The following HCN1 variants were observed in gnomAD, a reference collection of about 807,000 sequenced individuals.
HCN1 encodes hyperpolarization activated cyclic nucleotide gated potassium channel 1.
HCN1 carries 13 observed loss-of-function variants against 78.9 expected under a neutral mutation model. The observed-to-expected ratio is 0.16, with a 90% confidence interval of 0.11 to 0.26. The LOEUF (loss-of-function observed/expected upper bound fraction) is 0.26, where lower values mean the gene tolerates loss of function less well. Among genes scored for constraint, HCN1 ranks in the 10% least tolerant of loss-of-function variants. The probability of loss-of-function intolerance (pLI) is 1.00; values close to 1 mark genes in which losing one functional copy is unlikely to be tolerated. For synonymous variants in HCN1, 552 were observed against 455.5 expected (o/e 1.21, Z -2.70); for missense variants, 810 against 1,154.3 (o/e 0.70, Z 4.32).
chr5:45,437,538 T>G lies in HCN1; in HGVS notation c.1011+24308A>C, dbSNP rs576013570. Among the ~76,000 whole-genome samples the G allele has an allele frequency of 2.0e-5, 3 of 152,326 alleles. 1 individual carries two copies. The highest frequency in any genetic ancestry group is 6.8e-3 in the Middle Eastern group (2 of 292). ...GTCTCATCCATTCACATTCATGGTA[T>G]GCACACAACAAATTTGTCACATTAT... On this transcript the variant is annotated intron_variant, in intron 3 of 7. Transcript: ENST00000303230.
chr5:45,503,408 C>G (rs1303902383), intron 2 of HCN1, among the ~76,000 whole-genome samples: 3 of 152,000 alleles, frequency 2.0e-5, no homozygotes, highest in African/African-American at 4.8e-5. Context: ...AAGAAAGAAA[C>G]AGAGACACAG....
intron 3 of HCN1, among the ~76,000 whole-genome samples, chr5:45,414,842 G>A (rs986736311): frequency 6.6e-6 from 1 of 151,942 alleles, no homozygotes; most frequent in Admixed American, 6.6e-5. Context: ...TTAGGCCCTA[G>A]GTTACTTCTA....
At chr5:45,464,373 T>C (rs1741226163) in intron 2 of HCN1, among the ~76,000 whole-genome samples, 1 of 152,126 alleles carries the variant, frequency 6.6e-6, no homozygotes, top group Non-Finnish European at 1.5e-5. Context: ...TCATTCCCAA[T>C]TCCATAATGT....
At chr5:45,632,269 T>C (rs1159687432) in intron 2 of HCN1, among the ~76,000 whole-genome samples, 1 of 151,354 alleles carries the variant, frequency 6.6e-6, no homozygotes, top group Non-Finnish European at 1.5e-5. Context: ...GATCCAATGC[T>C]AATGTTCCAT....
intron 4 of HCN1, among the ~76,000 whole-genome samples, chr5:45,359,094 T>G (rs1158184410): frequency 6.6e-6 from 1 of 152,106 alleles, no homozygotes; most frequent in Non-Finnish European, 1.5e-5. Flanking sequence ...GTATGACTCC[T>G]GTACATACAT....
At chr5:45,642,632 TG>T (rs1483353619) in intron 2 of HCN1, 4 of 152,126 alleles carry the variant, frequency 2.6e-5, no homozygotes, top group Non-Finnish European at 5.9e-5. Flanking sequence ...CAAAGACATG[TG>T]GGTGAACTCA....
chr5:45,308,297 A>G (rs2111912207), intron 5 of HCN1, among the ~76,000 whole-genome samples: 1 of 152,258 alleles, frequency 6.6e-6, no homozygotes, highest in South Asian at 2.1e-4. Flanking sequence ...ATTTCTTTAT[A>G]AATAACTCAG....
intron 5 of HCN1, among the ~76,000 whole-genome samples, chr5:45,349,052 C>G (rs1392228681): frequency 1.3e-5 from 2 of 152,166 alleles, no homozygotes; most frequent in African/African-American, 4.8e-5. Flanking sequence ...CTCTCCACCC[C>G]AAATCAATAG....
At chr5:45,672,542 A>T (rs1016982762) in intron 1 of HCN1, among the ~76,000 whole-genome samples, 6 of 151,174 alleles carry the variant, frequency 4.0e-5, no homozygotes, top group Non-Finnish European at 5.9e-5. Flanking sequence ...CTATCAAAAA[A>T]TTAAAAAGTC....
At chr5:45,315,114 C>G (rs1326154663) in intron 5 of HCN1, among the ~76,000 whole-genome samples, 2 of 152,156 alleles carry the variant, frequency 1.3e-5, no homozygotes, top group Admixed American at 1.3e-4. Flanking sequence ...AATATACATT[C>G]TTCTCAGCAC....
At chr5:45,456,712 A>C (rs1038486697) in intron 3 of HCN1, among the ~76,000 whole-genome samples, 4 of 152,066 alleles carry the variant, frequency 2.6e-5, no homozygotes, top group Admixed American at 2.0e-4. Flanking sequence ...AAGTAGGTGC[A>C]TAAAATGTAA....
rs541506700 is a variant in HCN1 at position 45,298,163 on chromosome 5, C to T, written c.1618+5436G>A. Reference sequence around the variant, plus strand: ...GGTGAAGACTTTATGAGTTGACTGGCTCATGAGGGCTCTGCCTTTATGAAC... The same window carrying T: ...GGTGAAGACTTTATGAGTTGACTGGTTCATGAGGGCTCTGCCTTTATGAAC... On this transcript the variant is annotated intron_variant, in intron 6 of 7. Transcript: ENST00000303230. Among the ~76,000 whole-genome samples the T allele has an allele frequency of 1.8e-4, 27 of 152,074 alleles. 1 individual carries two copies. The highest frequency in any genetic ancestry group is 6.5e-4 in the African/African-American group (27 of 41,520).
At chr5:45,687,633 G>C (rs1420608132) in intron 1 of HCN1, among the ~76,000 whole-genome samples, 1 of 151,862 alleles carries the variant, frequency 6.6e-6, no homozygotes, top group Non-Finnish European at 1.5e-5. Context: ...TTCTCCTTAT[G>C]CCATCCCTCT....
intron 1 of HCN1, among the ~76,000 whole-genome samples, chr5:45,673,334 A>G (rs1156832435): frequency 6.6e-6 from 1 of 151,542 alleles, no homozygotes; most frequent in Admixed American, 6.6e-5. Context: ...CCAGTTTCTC[A>G]AATCATTATT....
chr5:45,331,603 C>A (rs369927181), intron 5 of HCN1, among the ~76,000 whole-genome samples: 2 of 151,392 alleles, frequency 1.3e-5, no homozygotes, highest in South Asian at 2.1e-4. Context: ...GAGCTCAGAT[C>A]TTTCTAATAT....
At chr5:45,360,101 G>C (rs190409321) in intron 4 of HCN1, among the ~76,000 whole-genome samples, 4 of 151,084 alleles carry the variant, frequency 2.6e-5, no homozygotes, top group African/African-American at 9.7e-5. Context: ...GTAATTATTA[G>C]AAATATCATT....
intron 4 of HCN1, among the ~76,000 whole-genome samples, chr5:45,362,989 A>T (rs1225448030): frequency 6.6e-6 from 1 of 150,836 alleles, no homozygotes; most frequent in Non-Finnish European, 1.5e-5. Context: ...CTTCTATTTC[A>T]CTAATAATAC....
intron 2 of HCN1, among the ~76,000 whole-genome samples, chr5:45,502,933 G>A (rs1266974610): frequency 1.3e-5 from 2 of 152,058 alleles, no homozygotes; most frequent in African/African-American, 4.8e-5. Context: ...TTACAGTATT[G>A]TTTATATCTA....
chr5:45,266,123 C>A (rs901688987), intron 7 of HCN1, among the ~76,000 whole-genome samples: 8 of 152,162 alleles, frequency 5.3e-5, no homozygotes, highest in African/African-American at 1.9e-4. Context: ...ATGTTAACAG[C>A]AAGCCAATCC....
Sources: allele counts gnomAD v4.1 joint callset (sites outside exome capture counted in the v4.1 genomes callset), GRCh38; gene constraint gnomAD v4.1.1; transcripts MANE v1.5; gene names NCBI Gene and HGNC (gene_info 2026-07-23, HGNC 2026-07-21).